The following ASIC1 variants were observed in gnomAD, a reference collection of about 807,000 sequenced individuals.
The protein encoded by ASIC1 is acid-sensing ion channel 1.
In ASIC1, 21 loss-of-function variants were observed where a neutral mutation model predicts 63.4. That is an observed-to-expected ratio of 0.33 (90% confidence interval 0.23 to 0.48). ASIC1 has a LOEUF of 0.48. Ranked by LOEUF, ASIC1 falls within the 20% of genes least tolerant of loss-of-function variation. The pLI is 0.99. For synonymous variants in ASIC1, 258 were observed against 278.2 expected, an observed-to-expected ratio of 0.93 and a Z score of 0.72; for missense variants, 478 against 695.5, an observed-to-expected ratio of 0.69 and a Z score of 3.52.
intron 3 of ASIC1, chr12:50,076,999 G>T (rs1873900): frequency 6.4e-6 from 5 of 781,982 alleles, no homozygotes; most frequent in Non-Finnish European, 1.1e-5. Flanking sequence ...GAGCTCAGGC[G>T]ATGCACCCTA....
rs1950481226 is a variant in ASIC1 at position 50,059,524 on chromosome 12, T to G, written c.363-235T>G. On this transcript the variant is annotated intron_variant, in intron 2 of 11. Transcript: ENST00000447966. The surrounding 1 kb of genome is among the most constrained non-coding windows in gnomAD (Gnocchi z 4.6). Reference sequence around the variant, plus strand: ...CCCTGCCTTGTCTCTCTGCCCACCTTATCCATGCTTCCTCTCACCCATGTG... The same window carrying G: ...CCCTGCCTTGTCTCTCTGCCCACCTGATCCATGCTTCCTCTCACCCATGTG... Among the ~76,000 whole-genome samples, 2 of 152,292 alleles carry G rather than the reference T, an allele frequency of 1.3e-5. No individual in the cohort carries two copies. The highest frequency in any genetic ancestry group is 3.9e-4 in the East Asian group (2 of 5,174).
intron 3 of ASIC1, among the ~76,000 whole-genome samples, chr12:50,071,749 G>A (rs895846515): frequency 1.3e-5 from 2 of 152,062 alleles, no homozygotes; most frequent in African/African-American, 4.8e-5. Flanking sequence ...GGGTTCAAGC[G>A]ATTCTTCTGC....
chr12:50,062,863 A>G (rs1414169331), intron 3 of ASIC1, among the ~76,000 whole-genome samples: 1 of 152,180 alleles, frequency 6.6e-6, no homozygotes, highest in Non-Finnish European at 1.5e-5. Context: ...GCATTTGGCC[A>G]GGGTCCATCC....
At chr12:50,068,035 A>G (rs1295725870) in intron 3 of ASIC1, among the ~76,000 whole-genome samples, 1 of 152,164 alleles carries the variant, frequency 6.6e-6, no homozygotes, top group Non-Finnish European at 1.5e-5. Context: ...ACCCCATAAG[A>G]GTTAACCACT....
intron 4 of ASIC1, 99 bp downstream of exon 4, chr12:50,077,462 G>A: frequency 4.0e-6 from 6 of 1,503,348 alleles, no homozygotes; most frequent in Non-Finnish European, 5.4e-6. Flanking sequence ...CAGGGCCCGG[G>A]CTTTCCCCTC....
At chr12:50,067,715 G>A (rs836189) in intron 3 of ASIC1, among the ~76,000 whole-genome samples, 8 of 151,904 alleles carry the variant, frequency 5.3e-5, no homozygotes, top group African/African-American at 1.7e-4. Flanking sequence ...CACTGCGCCC[G>A]GACCCCACCA....
chr12:50,081,633 A>G lies in ASIC1; in HGVS notation c.1571A>G (p.Glu524Gly). The G allele has an allele frequency of 6.2e-7, 1 of 1,613,960 alleles. No homozygotes were observed. The highest frequency in any genetic ancestry group is 8.5e-7 in the Non-Finnish European group (1 of 1,179,988). ...CACCATCCGGCCCGAGGCACGTTCG[A>G]GGACTTTACCTGCTGAGCCCCGCAG... ...LPHHPARGTFEDFTC is the reference protein window; with the variant it reads ...LPHHPARGTFGDFTC Residue 524 changes from glutamate (E) to glycine (G), a missense_variant, in exon 12 of 12, where the codon GAG (glutamate) becomes GGG (glycine). Glu to Gly is a moderately conservative substitution (Grantham distance 98, BLOSUM62 -2). Transcript: ENST00000447966.
rs1323154129 is a variant in ASIC1, at chr12:50,059,311, C to A, written c.362+183C>A. Among the ~76,000 whole-genome samples the A allele has an allele frequency of 6.6e-6, 1 of 152,084 alleles. No homozygotes were observed. The highest frequency in any genetic ancestry group is 1.5e-5 in the Non-Finnish European group (1 of 68,010). On this transcript the variant is annotated intron_variant, in intron 2 of 11. Transcript: ENST00000447966. This position sits in a 1 kb window ranked among gnomAD's most constrained non-coding sequence, Gnocchi z 4.6. ...CTGCTGAGCACCCAGTTAAGGGCAC[C>A]CAGCCTCCGATCCCAGCATAGTCCA...
chr12:50,062,894 C>T (rs1950512929), intron 3 of ASIC1, among the ~76,000 whole-genome samples: 1 of 152,144 alleles, frequency 6.6e-6, no homozygotes, highest in Non-Finnish European at 1.5e-5. Context: ...GCTGAGTCAG[C>T]TTGGGAGGGT....
chr12:50,072,347 G>A (rs534670334), intron 3 of ASIC1, among the ~76,000 whole-genome samples: 1 of 152,286 alleles, frequency 6.6e-6, no homozygotes, highest in South Asian at 2.1e-4. Context: ...CCTCCCCTCG[G>A]GTCACCTTCT....
chr12:50,074,321 T>TTGGGGCTGGGGCTGGGGC lies in ASIC1; in HGVS notation c.559-2883_559-2866dup. The TTGGGGCTGGGGCTGGGGC allele has an allele frequency of 7.0e-7, 1 of 1,431,184 alleles. No homozygotes were observed. The highest frequency in any genetic ancestry group is 1.5e-5 in the South Asian group (1 of 67,024). The allele number at this position is 1,431,184 out of a possible 1,614,324, so 88.7% of individuals were successfully genotyped here. On this transcript the variant is annotated intron_variant, in intron 3 of 11. Transcript: ENST00000447966. The surrounding 1 kb of genome is among the most constrained non-coding windows in gnomAD (Gnocchi z 4.2). ...TGTCCCTGACTGTCACCTCCTGGGG[T>TTGGGGCTGGGGCTGGGGC]TGGGGCTGGGGCTGGGGCTGGGGCT...
At chr12:50,067,316 A>G (rs1258653506) in intron 3 of ASIC1, among the ~76,000 whole-genome samples, 4 of 151,924 alleles carry the variant, frequency 2.6e-5, no homozygotes, top group Non-Finnish European at 5.9e-5. Flanking sequence ...GCCAGTGGTC[A>G]CCTTCATGTT....
chr12:50,067,157 G>A (rs1950552979), intron 3 of ASIC1, among the ~76,000 whole-genome samples: 1 of 152,098 alleles, frequency 6.6e-6, no homozygotes, highest in Non-Finnish European at 1.5e-5. Context: ...AGCTCCTATA[G>A]TATCTCTCTG....
chr12:50,067,646 C>T (rs1038803990), intron 3 of ASIC1, among the ~76,000 whole-genome samples: 3 of 152,088 alleles, frequency 2.0e-5, no homozygotes, highest in South Asian at 2.1e-4. Flanking sequence ...CTTGAGCTCC[C>T]GACCTCAGGT....
chr12:50,069,109 C>T (rs547707852), intron 3 of ASIC1, among the ~76,000 whole-genome samples: 1 of 152,316 alleles, frequency 6.6e-6, no homozygotes, highest in East Asian at 1.9e-4. Flanking sequence ...TCTCATCTCT[C>T]TCCTTCCAGG....
In ASIC1 at chr12:50,059,747, C is replaced by A; in HGVS notation, c.363-12C>A. ...TGTACTGACCCGTGTGTCACTCACC[C>A]CCGGACCCCAGGTATGAGATACCAG... On this transcript the variant is annotated splice_polypyrimidine_tract_variant and intron_variant, in intron 2 of 11. Transcript: ENST00000447966. This position sits in a 1 kb window ranked among gnomAD's most constrained non-coding sequence, Gnocchi z 4.6. The A allele has an allele frequency of 6.2e-7, 1 of 1,610,516 alleles. No homozygotes were observed.
chr12:50,061,648 G>A (rs1950502116), intron 3 of ASIC1, among the ~76,000 whole-genome samples: 1 of 152,230 alleles, frequency 6.6e-6, no homozygotes. Flanking sequence ...TGTAGTGTTG[G>A]ATGAGGGAGA....
chr12:50,060,636 G>T (rs1490752680), intron 3 of ASIC1, among the ~76,000 whole-genome samples: 1 of 152,214 alleles, frequency 6.6e-6, no homozygotes, highest in African/African-American at 2.4e-5. Flanking sequence ...AGTCATGGCT[G>T]CCCTGGAGGC....
rs1162756450 is a variant in ASIC1, at chr12:50,074,934, T to C, written c.559-2279T>C. Among the ~76,000 whole-genome samples, 4 of 149,660 alleles carry C rather than the reference T, an allele frequency of 2.7e-5. No homozygotes were observed. Among genetic ancestry groups the C allele is most frequent in the African/African-American group, 9.9e-5 (4 of 40,366 alleles). On this transcript the variant is annotated intron_variant, in intron 3 of 11. Coordinates refer to ENST00000447966, the MANE Select transcript of ASIC1 (RefSeq NM_001095.4). The surrounding 1 kb of genome is among the most constrained non-coding windows in gnomAD (Gnocchi z 4.2). ...TGAGGGTAAATAACAGGTCTCTAAA[T>C]CATATCCCTCTCCCCAGCTTTAAGT...
Sources: gnomAD v4.1 joint callset for allele counts (sites outside exome capture counted in the v4.1 genomes callset) on GRCh38, gnomAD v4.1.1 for gene constraint, Gnocchi (gnomAD v3.1) non-coding constraint, MANE v1.5 for transcripts, NCBI Gene and HGNC (gene_info 2026-07-23, HGNC 2026-07-21) for gene names.